Variants in ATP8A2 observed in about 807,000 individuals in gnomAD.
ATP8A2 encodes phospholipid-transporting ATPase IB.
ATP8A2 carries 100 observed loss-of-function variants against 165.6 expected under a neutral mutation model. The observed-to-expected ratio is 0.60, with a 90% CI of 0.51 to 0.71. The LOEUF (loss-of-function observed/expected upper bound fraction) is 0.71. ATP8A2 is among the 30% of genes least tolerant of loss of function. The pLI is 0.00. For missense variants in ATP8A2, 1,227 were observed against 1,479.5 expected, an observed-to-expected ratio of 0.83 and a Z score of 2.80; for synonymous variants, 543 against 548.8, an observed-to-expected ratio of 0.99 and a Z score of 0.15.
chr13:25,881,835 A>C (rs1327793512), intron 33 of ATP8A2, among the ~76,000 whole-genome samples: 1 of 152,158 alleles, frequency 6.6e-6, no homozygotes, highest in African/African-American at 2.4e-5. Context: ...CCAGCCCAGA[A>C]CTACTGGACT....
intron 2 of ATP8A2, among the ~76,000 whole-genome samples, chr13:25,485,662 A>G (rs892384843): frequency 1.3e-5 from 2 of 152,234 alleles, no homozygotes; most frequent in Admixed American, 6.5e-5. Flanking sequence ...TGGCCGACGC[A>G]TAAGTGGCAG....
chr13:26,002,159 ACT>A (rs1186264246), intron 35 of ATP8A2, among the ~76,000 whole-genome samples: 4 of 152,172 alleles, frequency 2.6e-5, no homozygotes, highest in Non-Finnish European at 5.9e-5. Flanking sequence ...TTTGAAATTT[ACT>A]CTTAGTTATT....
At chr13:25,946,586 C>T (rs1168030605) in intron 33 of ATP8A2, among the ~76,000 whole-genome samples, 3 of 152,202 alleles carry the variant, frequency 2.0e-5, no homozygotes, top group East Asian at 3.8e-4. Context: ...TCCTCAAACT[C>T]GCCCACGGAA....
intron 30 of ATP8A2, among the ~76,000 whole-genome samples, chr13:25,854,720 T>G (rs1019239898): frequency 2.6e-5 from 4 of 152,238 alleles, no homozygotes; most frequent in African/African-American, 7.2e-5. Flanking sequence ...GGAAATGTTC[T>G]GTATCTGTAC....
intron 1 of ATP8A2, among the ~76,000 whole-genome samples, chr13:25,413,802 T>G (rs2034049122): frequency 6.6e-6 from 1 of 152,208 alleles, no homozygotes; most frequent in East Asian, 1.9e-4. Flanking sequence ...AAAGACCTTG[T>G]CATCATTTCA....
intron 25 of ATP8A2, among the ~76,000 whole-genome samples, chr13:25,738,347 C>CA (rs749421668): frequency 2.8e-5 from 4 of 144,212 alleles, no homozygotes; most frequent in South Asian, 2.3e-4. Flanking sequence ...CCCTCCCCCC[C>CA]CCCCACACAC....
At chr13:25,612,198 T>G (rs2040705303) in intron 24 of ATP8A2, among the ~76,000 whole-genome samples, 3 of 152,144 alleles carry the variant, frequency 2.0e-5, no homozygotes, top group Non-Finnish European at 2.9e-5. Context: ...TTGTTCTTGT[T>G]TCTCTGGTTC....
intron 5 of ATP8A2, 143 bp from the exon 6 acceptor site, chr13:25,533,130 G>T: frequency 9.5e-6 from 6 of 629,950 alleles, no homozygotes; most frequent in Non-Finnish European, 1.7e-5. Flanking sequence ...TGAGGGTGGG[G>T]GTGCTGATGT....
chr13:25,713,608 G>GTAC (rs1202065758), intron 25 of ATP8A2, among the ~76,000 whole-genome samples: 1 of 152,104 alleles, frequency 6.6e-6, no homozygotes, highest in Admixed American at 6.6e-5. Context: ...TTATAACTTA[G>GTAC]TACTTTTTTC....
At chr13:25,555,494 G>A (rs2038955070) in intron 13 of ATP8A2, among the ~76,000 whole-genome samples, 1 of 152,090 alleles carries the variant, frequency 6.6e-6, no homozygotes, top group South Asian at 2.1e-4. Context: ...ATATTCTAGG[G>A]AACAGTATCT....
At chr13:25,692,973 C>T (rs146498463) in intron 24 of ATP8A2, among the ~76,000 whole-genome samples, 31 of 152,312 alleles carry the variant, frequency 2.0e-4, no homozygotes, top group Non-Finnish European at 4.1e-4. Flanking sequence ...AAGCAAAATA[C>T]TAATTAAAGA....
At chr13:25,544,787 A>T (rs80274316) in intron 10 of ATP8A2, among the ~76,000 whole-genome samples, 2,684 of 152,228 alleles carry the variant, frequency 0.018, 75 homozygotes, top group African/African-American at 0.062. Context: ...TGGGCCAGAA[A>T]GGAATGCCAT....
intron 25 of ATP8A2, among the ~76,000 whole-genome samples, chr13:25,745,227 G>A (rs902436766): frequency 6.6e-6 from 1 of 152,150 alleles, no homozygotes; most frequent in African/African-American, 2.4e-5. Context: ...ACAGGTGTGA[G>A]CCACTGCTTG....
intron 2 of ATP8A2, among the ~76,000 whole-genome samples, chr13:25,514,740 C>T (rs1039972535): frequency 6.6e-6 from 1 of 152,138 alleles, no homozygotes; most frequent in Admixed American, 6.5e-5. Flanking sequence ...CAAATACCTC[C>T]CTTTGCTTTC....
At chr13:25,462,890 A>T (rs533260764) in intron 1 of ATP8A2, among the ~76,000 whole-genome samples, 9 of 152,316 alleles carry the variant, frequency 5.9e-5, no homozygotes, top group African/African-American at 2.2e-4. Context: ...ACAGGAACTG[A>T]AGACAAAGAC....
chr13:25,808,384 A>G (rs1252062039), intron 27 of ATP8A2, among the ~76,000 whole-genome samples: 1 of 152,000 alleles, frequency 6.6e-6, no homozygotes, highest in Non-Finnish European at 1.5e-5. Context: ...AGATCACTTG[A>G]GGTCAGGAGT....
intron 23 of ATP8A2, among the ~76,000 whole-genome samples, chr13:25,586,489 C>G (rs968895045): frequency 1.3e-5 from 2 of 152,182 alleles, no homozygotes; most frequent in African/African-American, 4.8e-5. Flanking sequence ...CCTCAGCTCC[C>G]TGGTTCTCTG....
At chr13:26,001,074 G>A (rs965535477) in intron 35 of ATP8A2, among the ~76,000 whole-genome samples, 1 of 152,070 alleles carries the variant, frequency 6.6e-6, no homozygotes, top group African/African-American at 2.4e-5. Flanking sequence ...TGGCAAACAC[G>A]AGCCTGTTTT....
chr13:25,770,425 T>C (rs1278375641), intron 26 of ATP8A2, among the ~76,000 whole-genome samples: 1 of 152,148 alleles, frequency 6.6e-6, no homozygotes, highest in Non-Finnish European at 1.5e-5. Flanking sequence ...AAGACAGCTT[T>C]GACTCCCTAT....
Sources: gnomAD v4.1 joint callset for allele counts (sites outside exome capture counted in the v4.1 genomes callset) on GRCh38, gnomAD v4.1.1 for gene constraint, MANE v1.5 for transcripts, NCBI Gene and HGNC (gene_info 2026-07-23, HGNC 2026-07-21) for gene names.